The following KDSR variants were observed in gnomAD, a reference collection of about 807,000 sequenced individuals.
KDSR encodes 3-ketodihydrosphingosine reductase, also known as 3-dehydrosphinganine reductase.
Under a neutral mutation model 41.3 loss-of-function variants are expected in KDSR, and 23 were observed. That is an observed-to-expected ratio of 0.56 (90% CI 0.40 to 0.79). The LOEUF is 0.79. KDSR is among the 30% of genes least tolerant of loss of function. KDSR has a pLI of 0.00. For synonymous variants in KDSR, 138 were observed against 151.7 expected, an observed-to-expected ratio of 0.91 and a Z score of 0.66; for missense variants, 351 against 416.8, an observed-to-expected ratio of 0.84 and a Z score of 1.37.
chr18:63,341,579 T>C (rs1914341691), intron 7 of KDSR, among the ~76,000 whole-genome samples: 1 of 151,532 alleles, frequency 6.6e-6, no homozygotes, highest in African/African-American at 2.4e-5. Flanking sequence ...TTGAAATACT[T>C]TGGGAAGAAA....
At chr18:63,355,129 T>C (rs1914760055) in intron 5 of KDSR, 75 bp downstream of exon 5, 1 of 972,146 alleles carries the variant, frequency 1.0e-6, no homozygotes, top group South Asian at 1.4e-5. Context: ...TCTAATTGAT[T>C]CTTAAAGCTT....
At chr18:63,339,907 C>G (rs186213319) in intron 7 of KDSR, among the ~76,000 whole-genome samples, 6 of 152,130 alleles carry the variant, frequency 3.9e-5, no homozygotes, top group Admixed American at 3.3e-4. Flanking sequence ...AAATAAAAAC[C>G]AGATTATATT....
chr18:63,358,174 T>A (rs1387210456), intron 3 of KDSR, among the ~76,000 whole-genome samples: 1 of 151,682 alleles, frequency 6.6e-6, no homozygotes. Flanking sequence ...CAAAAATAAA[T>A]AAATAAATAA....
rs553164019 is a variant in KDSR at position 63,330,930 on chromosome 18, AG to A, written c.*851del. On this transcript the variant is annotated 3_prime_UTR_variant, in exon 10 of 10. Coordinates refer to ENST00000645214, the MANE Select transcript of KDSR (RefSeq NM_002035.4). ...AACTTCAGGTCATCATGGTTATTGA[AG>A]GAACTGTAAATTCTTAAGCTTCTAG... 938 of 230,128 alleles carry A rather than the reference AG, an allele frequency of 4.1e-3. 2 individuals are homozygous for A. Among genetic ancestry groups the A allele is most frequent in the Non-Finnish European group, 6.5e-3 (756 of 115,904 alleles). 14.3% of individuals were successfully genotyped at this position (230,128 alleles called of 1,614,324 possible).
intron 6 of KDSR, chr18:63,344,748 G>GC: frequency 2.7e-6 from 1 of 373,426 alleles, no homozygotes; most frequent in Non-Finnish European, 4.9e-6. Context: ...CTCCTTTGCA[G>GC]TGTCTTCCAC....
At chr18:63,336,457 G>A (rs569214079) in intron 8 of KDSR, among the ~76,000 whole-genome samples, 6 of 152,164 alleles carry the variant, frequency 3.9e-5, no homozygotes, top group South Asian at 2.1e-4. Context: ...AACTGGCCAC[G>A]TGTCATCAAT....
chr18:63,362,079 TG>T (rs1381110723), intron 2 of KDSR, among the ~76,000 whole-genome samples: 1 of 152,216 alleles, frequency 6.6e-6, no homozygotes, highest in African/African-American at 2.4e-5. Context: ...TGTCTGAGCA[TG>T]TACTACGTGT....
chr18:63,361,279 T>TCATTTCTAG (rs1173729756), intron 2 of KDSR, among the ~76,000 whole-genome samples: 1 of 147,040 alleles, frequency 6.8e-6, no homozygotes, highest in Non-Finnish European at 1.5e-5. Flanking sequence ...TTCAGTTCAT[T>TCATTTCTAG]CATTTCTAGC....
chr18:63,357,590 A>ATTTTTTT (rs879287574), intron 3 of KDSR, among the ~76,000 whole-genome samples: 1 of 95,236 alleles, frequency 1.1e-5, no homozygotes, highest in Non-Finnish European at 2.3e-5. Context: ...ATATATATAT[A>ATTTTTTT]TATATTTTTT....
In KDSR at chr18:63,367,126, C is replaced by T; in HGVS notation, c.-8G>A. On this transcript the variant is annotated 5_prime_UTR_variant, in exon 1 of 10. Transcript: ENST00000645214. ...GGCAGCCAGCAGCAGCATCGCTCCG[C>T]GGGGCCAGGGGCCCGGAGCGGCCGG... 3 of 1,314,140 alleles carry T rather than the reference C, an allele frequency of 2.3e-6. No individual in the cohort carries two copies. The highest frequency in any genetic ancestry group is 2.2e-4 in the Middle Eastern group (1 of 4,556). The allele number at this position is 1,314,140 out of a possible 1,614,324, so 81.4% of individuals were successfully genotyped here. A position where few individuals can be genotyped will look rare whatever the true frequency, so the allele number is the denominator to read the frequency against.
chr18:63,357,977 A>G (rs1914850560), intron 3 of KDSR, among the ~76,000 whole-genome samples: 1 of 151,946 alleles, frequency 6.6e-6, no homozygotes, highest in Non-Finnish European at 1.5e-5. Flanking sequence ...GGAGTTCGAG[A>G]CCAGCCTGAT....
chr18:63,344,179 T>C (rs1000281979), intron 7 of KDSR, among the ~76,000 whole-genome samples: 17 of 151,920 alleles, frequency 1.1e-4, no homozygotes, highest in African/African-American at 3.9e-4. Flanking sequence ...CCTGTCTCTA[T>C]AGAGAAAAAA....
chr18:63,338,757 TA>T, intron 8 of KDSR, 42 bp downstream of exon 8: 2 of 1,202,594 alleles, frequency 1.7e-6, no homozygotes, highest in Non-Finnish European at 2.4e-6. Flanking sequence ...AGAAATATAG[TA>T]CTACAAACAC....
intron 6 of KDSR, 129 bp from the exon 7 acceptor site, chr18:63,344,622 G>GA: frequency 1.7e-6 from 1 of 603,546 alleles, no homozygotes; most frequent in Non-Finnish European, 3.0e-6. Flanking sequence ...GTTAGGCGGG[G>GA]AACTACACCA....
rs1913905026 is a variant in KDSR, at chr18:63,329,378, A to G, written c.*2404T>C. Reference sequence around the variant, plus strand: ...AGGGAAAATTAAGTCACAATGAAGTAGCATAAATATAAAGTACAATACTCT... The same window carrying G: ...AGGGAAAATTAAGTCACAATGAAGTGGCATAAATATAAAGTACAATACTCT... On this transcript the variant is annotated 3_prime_UTR_variant, in exon 10 of 10. Transcript: ENST00000645214. The G allele has an allele frequency of 4.8e-6, 1 of 209,194 alleles. No individual in the cohort carries two copies. The highest frequency in any genetic ancestry group is 5.9e-5 in the Admixed American group (1 of 16,954). 13.0% of individuals were successfully genotyped at this position (209,194 alleles called of 1,614,324 possible).
rs1386959427 is a variant in KDSR, at chr18:63,345,883, AGTGAGTTGAGATC to A, written c.610-1403_610-1391del. On this transcript the variant is annotated intron_variant, in intron 6 of 9. Coordinates refer to ENST00000645214, the MANE Select transcript of KDSR (RefSeq NM_002035.4). ...CTTGAGCCCAGGAGGCGGAAGTTGCAGTGAGTTGAGATCGTGCCACTGTACTCCAGCCTGGGTG... is the reference window on the plus strand; with the variant it reads ...CTTGAGCCCAGGAGGCGGAAGTTGCAGTGCCACTGTACTCCAGCCTGGGTG... The A allele has an allele frequency of 2.0e-5, 3 of 151,562 alleles. No individual in the cohort carries two copies. The East Asian group carries it at 5.8e-4, about 29-fold the overall frequency. 9.4% of individuals were successfully genotyped at this position (151,562 alleles called of 1,614,324 possible).
chr18:63,342,218 ATGT>A (rs1437095797), intron 7 of KDSR, among the ~76,000 whole-genome samples: 1 of 152,030 alleles, frequency 6.6e-6, no homozygotes, highest in Non-Finnish European at 1.5e-5. Flanking sequence ...ATTTTCAGAC[ATGT>A]TGTTTCTAAA....
chr18:63,335,452 A>G (rs924844437), intron 8 of KDSR, 94 bp from the exon 9 acceptor site: 2 of 822,734 alleles, frequency 2.4e-6, no homozygotes, highest in African/African-American at 1.7e-5. Flanking sequence ...GTGCTCGTTC[A>G]CTTTAAGTGA....
chr18:63,340,160 AC>A lies in KDSR; in HGVS notation c.694-1278del, dbSNP rs1260649396. Among the ~76,000 whole-genome samples, 15 of 152,348 alleles carry A rather than the reference AC, an allele frequency of 9.8e-5. No individual in the cohort carries two copies. In the East Asian group the frequency reaches 2.5e-3, roughly 25 times the overall value. On this transcript the variant is annotated intron_variant, in intron 7 of 9. Coordinates refer to ENST00000645214, the MANE Select transcript of KDSR (RefSeq NM_002035.4). ...CCAAAATTTTACTGAAAAAACCCCAACTTAATCAACATCAGAATCAAACCTT... is the reference window on the plus strand; with the variant it reads ...CCAAAATTTTACTGAAAAAACCCCAATTAATCAACATCAGAATCAAACCTT...
Sources: allele counts gnomAD v4.1 joint callset (sites outside exome capture counted in the v4.1 genomes callset), GRCh38; gene constraint gnomAD v4.1.1; transcripts MANE v1.5; gene names NCBI Gene and HGNC (gene_info 2026-07-23, HGNC 2026-07-21).